Variants in ULK4 observed in about 807,000 individuals in gnomAD.
ULK4 encodes unc-51 like kinase 4.
Under a neutral mutation model 160.6 loss-of-function variants are expected in ULK4, and 133 were observed. The ratio of observed to expected loss-of-function variants is 0.83; its 90% confidence interval spans 0.72 to 0.96. The LOEUF (loss-of-function observed/expected upper bound fraction) is 0.96, where lower values mean the gene tolerates loss of function less well. Among genes scored for constraint, ULK4 ranks in the 40% least tolerant of loss-of-function variants. The pLI, the probability that ULK4 is intolerant of heterozygous loss-of-function variation, is 0.00. For missense variants in ULK4, 1,580 were observed against 1,499.5 expected (o/e 1.05, Z -0.89); for synonymous variants, 534 against 539.8 (o/e 0.99, Z 0.15).
intron 35 of ULK4, among the ~76,000 whole-genome samples, chr3:41,363,529 T>C (rs2081189723): frequency 6.6e-6 from 1 of 152,196 alleles, no homozygotes; most frequent in African/African-American, 2.4e-5. Context: ...AATAAAAATG[T>C]GTGCATTATG....
At chr3:41,663,194 C>G (rs899503861) in intron 30 of ULK4, among the ~76,000 whole-genome samples, 1 of 151,432 alleles carries the variant, frequency 6.6e-6, no homozygotes. Flanking sequence ...GCACTACAGC[C>G]TGGGTGACAG....
chr3:41,652,410 T>C (rs1275783364), intron 30 of ULK4, among the ~76,000 whole-genome samples: 2 of 152,214 alleles, frequency 1.3e-5, no homozygotes, highest in Admixed American at 6.5e-5. Context: ...TTAACACTTA[T>C]TTCATCAGTG....
At chr3:41,877,310 T>G (rs765803101) in intron 17 of ULK4, among the ~76,000 whole-genome samples, 9 of 148,448 alleles carry the variant, frequency 6.1e-5, no homozygotes, top group Non-Finnish European at 1.0e-4. Context: ...AAAAAAAAGA[T>G]AATTATGTTA....
intron 35 of ULK4, among the ~76,000 whole-genome samples, chr3:41,375,401 A>C (rs1186202499): frequency 6.7e-6 from 1 of 150,350 alleles, no homozygotes; most frequent in Non-Finnish European, 1.5e-5. Context: ...TACAGAACCC[A>C]AAACGGCATG....
intron 35 of ULK4, 33 bp downstream of exon 35, chr3:41,398,046 C>T (rs751568353): frequency 3.8e-6 from 6 of 1,590,406 alleles, no homozygotes; most frequent in Non-Finnish European, 5.1e-6. Flanking sequence ...AGCAAAGCCA[C>T]CCACAGTGTC....
intron 2 of ULK4, among the ~76,000 whole-genome samples, chr3:41,954,284 C>T (rs1198977737): frequency 1.3e-5 from 2 of 151,104 alleles, no homozygotes; most frequent in South Asian, 4.2e-4. Context: ...CATCTGAGCC[C>T]AGGAAGTTGA....
intron 21 of ULK4, among the ~76,000 whole-genome samples, chr3:41,784,627 T>C (rs1037884337): frequency 2.0e-5 from 3 of 152,118 alleles, no homozygotes; most frequent in Non-Finnish European, 2.9e-5. Context: ...AAGCAAATCA[T>C]TTTAAAGATG....
chr3:41,811,128 C>T (rs115953124), intron 19 of ULK4, among the ~76,000 whole-genome samples: 8,407 of 152,086 alleles, frequency 0.055, 419 homozygotes, highest in East Asian at 0.16. Context: ...CTCAAGTGAT[C>T]CTCCCACCTA....
chr3:41,722,889 C>T (rs965430541), intron 22 of ULK4, among the ~76,000 whole-genome samples: 2 of 152,160 alleles, frequency 1.3e-5, no homozygotes, highest in African/African-American at 4.8e-5. Flanking sequence ...TTGAGAGACA[C>T]TGTTGCATCT....
chr3:41,810,123 G>A (rs1301844052), intron 19 of ULK4, among the ~76,000 whole-genome samples: 1 of 152,164 alleles, frequency 6.6e-6, no homozygotes, highest in Non-Finnish European at 1.5e-5. Flanking sequence ...TGCTGGCCAG[G>A]TATAGGAAAG....
chr3:41,533,274 T>G (rs887438713), intron 32 of ULK4, among the ~76,000 whole-genome samples: 1 of 152,180 alleles, frequency 6.6e-6, no homozygotes, highest in East Asian at 1.9e-4. Context: ...CTTTGGATGG[T>G]TTATTATGTA....
intron 30 of ULK4, among the ~76,000 whole-genome samples, chr3:41,657,467 C>G (rs1199345757): frequency 6.6e-6 from 1 of 152,074 alleles, no homozygotes; most frequent in African/African-American, 2.4e-5. Context: ...GTTATTTTTA[C>G]ATATTTGGAA....
intron 19 of ULK4, among the ~76,000 whole-genome samples, chr3:41,801,838 A>C (rs1370579040): frequency 6.6e-6 from 1 of 152,040 alleles, no homozygotes; most frequent in East Asian, 1.9e-4. Context: ...GCAACAAAGC[A>C]AGACCCTGTC....
intron 29 of ULK4, among the ~76,000 whole-genome samples, chr3:41,679,792 A>G (rs2125788073): frequency 6.6e-6 from 1 of 152,348 alleles, no homozygotes; most frequent in East Asian, 1.9e-4. Flanking sequence ...TCTGATCCCT[A>G]CTGTGTGGAG....
At chr3:41,456,158 T>C (rs1420121951) in intron 33 of ULK4, among the ~76,000 whole-genome samples, 1 of 152,120 alleles carries the variant, frequency 6.6e-6, no homozygotes, top group Admixed American at 6.5e-5. Context: ...GATCCACCCA[T>C]CACAGACTCC....
rs1330711668 is a variant in ULK4, at chr3:41,506,020, AT to A, written c.3227-42768del. ...ACCAAAAGTTTTAAATTATAAATATATGTTTGTCAAATGCATTTACTGTAGT... is the reference window on the plus strand; with the variant it reads ...ACCAAAAGTTTTAAATTATAAATATAGTTTGTCAAATGCATTTACTGTAGT... On this transcript the variant is annotated intron_variant, in intron 32 of 36. Transcript: ENST00000301831. Among the ~76,000 whole-genome samples, 5 of 151,836 alleles carry A rather than the reference AT, an allele frequency of 3.3e-5. No homozygotes were observed. In the East Asian group the frequency reaches 7.8e-4, roughly 24 times the overall value.
At chr3:41,554,017 TTCTA>T (rs1041967801) in intron 32 of ULK4, among the ~76,000 whole-genome samples, 2 of 152,242 alleles carry the variant, frequency 1.3e-5, no homozygotes, top group South Asian at 2.1e-4. Context: ...GTAACCTTTA[TTCTA>T]TCTATCTCCA....
intron 22 of ULK4, among the ~76,000 whole-genome samples, chr3:41,726,816 T>G (rs2037667071): frequency 6.6e-6 from 1 of 152,100 alleles, no homozygotes; most frequent in South Asian, 2.1e-4. Context: ...TTCATTTAAT[T>G]TTTATATTTT....
intron 21 of ULK4, among the ~76,000 whole-genome samples, chr3:41,777,937 C>A (rs1199496913): frequency 1.4e-5 from 2 of 139,434 alleles, no homozygotes; most frequent in African/African-American, 2.8e-5. Context: ...CAGGGATGCC[C>A]TCTCTCACCA....
Sources: gnomAD v4.1 joint callset for allele counts (sites outside exome capture counted in the v4.1 genomes callset) on GRCh38, gnomAD v4.1.1 for gene constraint, MANE v1.5 for transcripts, NCBI Gene and HGNC (gene_info 2026-07-23, HGNC 2026-07-21) for gene names.